FUT8: variants seen among roughly 807,000 people sequenced by gnomAD.
FUT8 encodes fucosyltransferase 8, also known as alpha-(1,6)-fucosyltransferase.
In FUT8, 29 loss-of-function variants were observed where a neutral mutation model predicts 71.3. The ratio of observed to expected loss-of-function variants is 0.41; its 90% CI spans 0.30 to 0.55. The LOEUF is 0.55. Among genes scored for constraint, FUT8 ranks in the 20% least tolerant of loss-of-function variants. FUT8 has a pLI of 0.34. For missense variants in FUT8, 544 were observed against 702.1 expected (o/e 0.77, Z 2.55); for synonymous variants, 254 against 239.3 (o/e 1.06, Z -0.57).
At chr14:65,410,037 C>T (rs937153004), upstream of FUT8, among the ~76,000 whole-genome samples, 1 of 152,044 alleles carries the variant, frequency 6.6e-6, no homozygotes, top group East Asian at 1.9e-4. Context: ...CAGGGTGGGA[C>T]CTGCAGCTTG....
Position 65,627,929 on chromosome 14 carries a change from G to A in FUT8, c.483-1563G>A, listed in dbSNP as rs972251744. ...CCTGACATTGCTTGGAGGTTAAGGG[G>A]GTGCCTTCTTCTGCCCTCTTAAGTC... On this transcript the variant is annotated intron_variant, in intron 5 of 10. Transcript: ENST00000673929. The surrounding 1 kb of genome is among the most constrained non-coding windows in gnomAD (Gnocchi z 4.0). Among the ~76,000 whole-genome samples the A allele has an allele frequency of 1.3e-5, 2 of 152,080 alleles. No individual in the cohort carries two copies. The highest frequency in any genetic ancestry group is 2.9e-5 in the Non-Finnish European group (2 of 68,026).
At chr14:65,642,897 A>T (rs1890906778) in intron 6 of FUT8, among the ~76,000 whole-genome samples, 1 of 152,082 alleles carries the variant, frequency 6.6e-6, no homozygotes, top group Non-Finnish European at 1.5e-5. Context: ...TTTTTTGTAG[A>T]TTTCATCAGA....
chr14:65,575,032 G>A (rs931327509), intron 3 of FUT8, among the ~76,000 whole-genome samples: 2 of 151,680 alleles, frequency 1.3e-5, no homozygotes, highest in East Asian at 1.9e-4. Context: ...TTTCTAATTC[G>A]TATAAAGCGA....
chr14:65,578,444 T>G (rs1422116873), intron 3 of FUT8, among the ~76,000 whole-genome samples: 2 of 152,224 alleles, frequency 1.3e-5, no homozygotes, highest in African/African-American at 4.8e-5. Flanking sequence ...TATATTGACG[T>G]CTTTTAATTC....
intron 1 of FUT8, among the ~76,000 whole-genome samples, chr14:65,439,820 T>C (rs1217510340): frequency 1.3e-5 from 2 of 151,762 alleles, no homozygotes; most frequent in Admixed American, 1.3e-4. Flanking sequence ...GTTCTGCTCG[T>C]GGATCTCTTT....
rs945912690 is a variant in FUT8, at chr14:65,631,555, C to T, written c.597+1949C>T. ...AACTATAGCAAAACCTAGCACTTTA[C>T]TTGGACCTTACCTTCAGTTTCAGAT... On this transcript the variant is annotated intron_variant, in intron 6 of 10. Coordinates refer to ENST00000673929, the MANE Select transcript of FUT8 (RefSeq NM_001371533.1). Among the ~76,000 whole-genome samples the T allele has an allele frequency of 9.2e-5, 14 of 152,224 alleles. No homozygotes were observed. In the East Asian group the frequency reaches 2.7e-3, roughly 29 times the overall value.
At chr14:65,677,300 G>A (rs1204704326) in intron 7 of FUT8, among the ~76,000 whole-genome samples, 1 of 152,044 alleles carries the variant, frequency 6.6e-6, no homozygotes, top group Non-Finnish European at 1.5e-5. Flanking sequence ...TTTGGTATCA[G>A]GCTTCTTTCT....
At chr14:65,585,431 C>G (rs2140125243) in intron 3 of FUT8, among the ~76,000 whole-genome samples, 1 of 152,234 alleles carries the variant, frequency 6.6e-6, no homozygotes, top group Admixed American at 6.5e-5. Context: ...AAGCAGTCCT[C>G]CCAACGTGGC....
intron 6 of FUT8, among the ~76,000 whole-genome samples, chr14:65,645,678 T>C (rs766860642): frequency 5.9e-5 from 9 of 152,190 alleles, no homozygotes; most frequent in African/African-American, 1.4e-4. Context: ...TAATTGCTTG[T>C]GCTACATTTT....
chr14:65,494,036 T>C (rs1423483442), intron 2 of FUT8, among the ~76,000 whole-genome samples: 1 of 152,154 alleles, frequency 6.6e-6, no homozygotes, highest in Non-Finnish European at 1.5e-5. Context: ...TATAATACTA[T>C]ATAAACATGC....
intron 2 of FUT8, among the ~76,000 whole-genome samples, chr14:65,505,483 T>C (rs572909358): frequency 6.6e-6 from 1 of 151,982 alleles, no homozygotes; most frequent in Non-Finnish European, 1.5e-5. Flanking sequence ...TGGCTAATTT[T>C]TTGTATTTTT....
At chr14:65,371,585 C>T in the FUT8 span, among the ~76,000 whole-genome samples, 1 of 152,200 alleles carries the variant, frequency 6.6e-6, no homozygotes, top group Non-Finnish European at 1.5e-5. Context: ...TGCAAATATT[C>T]CATTCCTCAT....
In FUT8 at chr14:65,671,035, T is replaced by C. The variant is rs192177686; in HGVS notation, c.835+1555T>C. On this transcript the variant is annotated intron_variant, in intron 7 of 10. Transcript: ENST00000673929. Reference sequence around the variant, plus strand: ...GTGCCAACAGATTAGTTATAAAGGTTAGGAAGATACTAAATTTGTCATTCA... The same window carrying C: ...GTGCCAACAGATTAGTTATAAAGGTCAGGAAGATACTAAATTTGTCATTCA... Among the ~76,000 whole-genome samples the C allele has an allele frequency of 1.2e-4, 18 of 152,344 alleles. 1 individual carries two copies. In the South Asian group the frequency reaches 1.9e-3, roughly 16 times the overall value.
At chr14:65,484,326 AG>A (rs1225435093) in intron 2 of FUT8, among the ~76,000 whole-genome samples, 1 of 152,142 alleles carries the variant, frequency 6.6e-6, no homozygotes, top group Admixed American at 6.5e-5. Flanking sequence ...TTCTAATCTT[AG>A]GGGGAAAGCA....
At chr14:65,621,429 T>C (rs1262767559) in intron 5 of FUT8, among the ~76,000 whole-genome samples, 1 of 151,850 alleles carries the variant, frequency 6.6e-6, no homozygotes, top group Non-Finnish European at 1.5e-5. Flanking sequence ...TTTGTATTTT[T>C]AGTAGAGACA....
rs180795506 is a variant in FUT8 at position 65,641,004 on chromosome 14, T to G, written c.597+11398T>G. 1.6e-3 allele frequency among the ~76,000 whole-genome samples: 237 copies of G among 152,312 alleles called. 1 individual carries two copies. The highest frequency in any genetic ancestry group is 5.2e-3 in the African/African-American group (216 of 41,574). On this transcript the variant is annotated intron_variant, in intron 6 of 10. Coordinates refer to ENST00000673929, the MANE Select transcript of FUT8 (RefSeq NM_001371533.1). ...GTAGTTTCTTTTTCTTTTTTTCTTCTACAGCCTTATTGAGATATAGTTGAC... is the reference window on the plus strand; with the variant it reads ...GTAGTTTCTTTTTCTTTTTTTCTTCGACAGCCTTATTGAGATATAGTTGAC...
rs1369503483 is a variant in FUT8 at position 65,413,263 on chromosome 14, G to A, written c.-326+49G>A. ...GGCCCCGCGCGCCTCGGGGTCTTGG[G>A]CTGGGCTGCGCGCGGGATCTGAGGA... On this transcript the variant is annotated intron_variant, in intron 1 of 10. Coordinates refer to ENST00000673929, the MANE Select transcript of FUT8 (RefSeq NM_001371533.1). This position sits in a 1 kb window ranked among gnomAD's most constrained non-coding sequence, Gnocchi z 4.1. 6.6e-6 allele frequency: 1 copy of A among 152,522 alleles called. No individual in the cohort carries two copies. Among genetic ancestry groups the A allele is most frequent in the Non-Finnish European group, 1.5e-5 (1 of 68,150 alleles). 9.4% of individuals were successfully genotyped at this position (152,522 alleles called of 1,614,324 possible).
chr14:65,521,215 TAGA>T (rs1358681162), intron 2 of FUT8, among the ~76,000 whole-genome samples: 2 of 152,152 alleles, frequency 1.3e-5, no homozygotes, highest in Non-Finnish European at 2.9e-5. Flanking sequence ...TTAAATAATT[TAGA>T]AGAAGGGAAT....
At chr14:65,474,997 G>T (rs1479827195) in intron 2 of FUT8, among the ~76,000 whole-genome samples, 1 of 152,090 alleles carries the variant, frequency 6.6e-6, no homozygotes, top group Non-Finnish European at 1.5e-5. Flanking sequence ...CTGGAAGACA[G>T]GATTTTTTTG....
Sources: allele counts gnomAD v4.1 joint callset (sites outside exome capture counted in the v4.1 genomes callset), GRCh38; gene constraint gnomAD v4.1.1; non-coding constraint Gnocchi (gnomAD v3.1); transcripts MANE v1.5; gene names NCBI Gene and HGNC (gene_info 2026-07-23, HGNC 2026-07-21).